ZNF638: variants seen among roughly 807,000 people sequenced by gnomAD.
The protein encoded by ZNF638 is CTCL tumor antigen se33-1.
In ZNF638, 46 loss-of-function variants were observed where a neutral mutation model predicts 195.6. That is an observed-to-expected ratio of 0.24 (90% CI 0.19 to 0.30). The LOEUF (loss-of-function observed/expected upper bound fraction) is 0.30, where lower values mean the gene tolerates loss of function less well. Ranked by LOEUF, ZNF638 falls within the 10% of genes least tolerant of loss-of-function variation. The pLI, the probability that ZNF638 is intolerant of heterozygous loss-of-function variation, is 1.00. For missense variants in ZNF638, 2,440 were observed against 2,325.3 expected (o/e 1.05, Z -1.01); for synonymous variants, 845 against 772.0 (o/e 1.09, Z -1.57).
chr2:71,364,983 A>G (rs554559329), intron 5 of ZNF638, among the ~76,000 whole-genome samples: 31 of 152,310 alleles, frequency 2.0e-4, no homozygotes, highest in African/African-American at 7.0e-4. Flanking sequence ...GGAAGAAGGT[A>G]CTATAGTGCT....
chr2:71,366,142 G>A (rs569531300), intron 6 of ZNF638, among the ~76,000 whole-genome samples: 1 of 152,292 alleles, frequency 6.6e-6, no homozygotes, highest in Admixed American at 6.5e-5. Flanking sequence ...TCGAGCTTAA[G>A]AATTTGAGGC....
chr2:71,361,336 G>A (rs932310599), intron 3 of ZNF638, among the ~76,000 whole-genome samples: 1 of 152,184 alleles, frequency 6.6e-6, no homozygotes. Context: ...TAACTTTGAT[G>A]TGTTGTTAAT....
chr2:71,343,252 G>A (rs1386014484), intron 1 of ZNF638, among the ~76,000 whole-genome samples: 1 of 152,096 alleles, frequency 6.6e-6, no homozygotes. Context: ...ATTTGGCTTT[G>A]AAACTAAAAA....
In ZNF638 at chr2:71,431,431, A is replaced by G; in HGVS notation, c.5752+3A>G. On this transcript the variant is annotated splice_donor_region_variant and intron_variant, in intron 26 of 27. Transcript: ENST00000264447. ...AGTGGCGTCTGATGTCCCTGAGGGT[A>G]AAGTTAAAATGACATTTTTTTCTTA... The G allele has an allele frequency of 6.2e-7, 1 of 1,612,214 alleles. No homozygotes were observed. The highest frequency in any genetic ancestry group is 8.5e-7 in the Non-Finnish European group (1 of 1,178,984).
chr2:71,405,708 T>C (rs1402061636), intron 18 of ZNF638, 66 bp downstream of exon 18: 2 of 1,210,038 alleles, frequency 1.7e-6, no homozygotes, highest in African/African-American at 3.1e-5. Flanking sequence ...TTTACTTGTT[T>C]GCCTTTTAGG....
At chr2:71,404,496 G>T (rs779045195) in intron 17 of ZNF638, among the ~76,000 whole-genome samples, 1 of 152,108 alleles carries the variant, frequency 6.6e-6, no homozygotes, top group Non-Finnish European at 1.5e-5. Flanking sequence ...GACTGTGTGA[G>T]CCCAGGACTT....
intron 19 of ZNF638, among the ~76,000 whole-genome samples, chr2:71,406,963 A>G (rs1038241681): frequency 3.9e-5 from 6 of 152,180 alleles, no homozygotes; most frequent in Non-Finnish European, 1.5e-5. Context: ...TCACGCCACC[A>G]CACTCCAGCC....
intron 5 of ZNF638, among the ~76,000 whole-genome samples, chr2:71,364,701 A>G (rs761935629): frequency 3.9e-5 from 6 of 152,182 alleles, no homozygotes; most frequent in Non-Finnish European, 7.4e-5. Flanking sequence ...GTTTCACTTG[A>G]CTAGCCTGAA....
intron 22 of ZNF638, among the ~76,000 whole-genome samples, 173 bp from the exon 23 acceptor site, chr2:71,424,477 C>A (rs1456335937): frequency 6.6e-6 from 1 of 151,932 alleles, no homozygotes; most frequent in East Asian, 1.9e-4. Flanking sequence ...CAGACTGTGC[C>A]TATACTGTTT....
chr2:71,427,182 G>C lies in ZNF638; in HGVS notation c.5313G>C (p.Glu1771Asp), dbSNP rs192551503. 20 of 1,611,862 alleles carry C rather than the reference G, an allele frequency of 1.2e-5. No individual in the cohort carries two copies. In the East Asian group the frequency reaches 4.2e-4, roughly 34 times the overall value. Residue 1771 changes from glutamate to aspartate, a missense_variant, in exon 24 of 28, where the codon GAG (glutamate) becomes GAC (aspartate). Around this residue, in one of 5 missense-constraint regions of ZNF638, gnomAD observed 1,883 missense variants for 1,739.1 expected, o/e 1.08. Transcript: ENST00000264447. Reference sequence around the variant, plus strand: ...CGGATTTTAACAACCTTAAAGAAGAGCTTAATTTTGTTACTGTTGATGAAG... The same window carrying C: ...CGGATTTTAACAACCTTAAAGAAGACCTTAATTTTGTTACTGTTGATGAAG... Reference protein sequence around the residue: ...SLADFNNLKEELNFVTVDEVG... With the variant: ...SLADFNNLKEDLNFVTVDEVG...
In ZNF638 at chr2:71,365,575, C is replaced by T. The variant is rs150523011; in HGVS notation, c.1864C>T (p.Pro622Ser). ...TSSGTKPSVK[P>S]TSATKSDSNL... ...CAGTGGAACAAAACCATCAGTTAAA[C>T]CTACAAGCGCTACAAAGAGTGATTC... Residue 622 changes from proline to serine, a missense_variant, in exon 6 of 28, where the codon CCT (proline) becomes TCT (serine). Around this residue, in one of 5 missense-constraint regions of ZNF638, gnomAD observed 1,883 missense variants for 1,739.1 expected, o/e 1.08. Coordinates refer to ENST00000264447, the MANE Select transcript of ZNF638 (RefSeq NM_014497.5). 2.5e-6 allele frequency: 4 copies of T among 1,614,110 alleles called. No homozygotes were observed. Among genetic ancestry groups the T allele is most frequent in the Non-Finnish European group, 3.4e-6 (4 of 1,180,018 alleles).
intron 1 of ZNF638, chr2:71,332,971 T>C (rs2078599299): frequency 6.6e-6 from 1 of 152,234 alleles, no homozygotes; most frequent in Non-Finnish European, 1.5e-5. Context: ...TTCTGCTTTT[T>C]CCCCTCATTT....
At chr2:71,375,918 C>T (rs1199769526) in intron 8 of ZNF638, 1 of 152,130 alleles carries the variant, frequency 6.6e-6, no homozygotes, top group Non-Finnish European at 1.5e-5. Flanking sequence ...GGAATAGTGG[C>T]TTATACTAGT....
chr2:71,370,957 T>C (rs927277593), intron 8 of ZNF638, among the ~76,000 whole-genome samples: 1 of 152,138 alleles, frequency 6.6e-6, no homozygotes, highest in African/African-American at 2.4e-5. Flanking sequence ...ACCCATTAAT[T>C]ATCCCCTCCT....
In ZNF638 at chr2:71,349,033, C is replaced by G. The variant is rs61344341; in HGVS notation, c.79C>G (p.Pro27Ala). The G allele has an allele frequency of 1.2e-6, 2 of 1,614,186 alleles. No individual in the cohort carries two copies. The highest frequency in any genetic ancestry group is 1.7e-6 in the Non-Finnish European group (2 of 1,180,018). ...PRAPNPSGMR[P>A]PGPFMRPGSM... is the part of the protein sequence containing the mutation. Reference sequence around the variant, plus strand: ...AGCACCTAACCCTTCTGGGATGAGGCCTCCAGGACCATTTATGAGGCCTGG... The same window carrying G: ...AGCACCTAACCCTTCTGGGATGAGGGCTCCAGGACCATTTATGAGGCCTGG... The change falls in exon 2 of 28, where the codon CCT becomes GCT. Residue 27 changes from proline (P) to alanine (A), a missense_variant. Transcript: ENST00000264447.
intron 3 of ZNF638, among the ~76,000 whole-genome samples, chr2:71,360,555 T>C (rs2079092225): frequency 6.6e-6 from 1 of 152,176 alleles, no homozygotes. Flanking sequence ...GCCTACTCTT[T>C]GTTTCGTTTG....
At position 71,434,990 on chromosome 2, in the gene ZNF638, A is replaced by G; in HGVS notation, c.*183A>G. The G allele has an allele frequency of 1.9e-6, 1 of 517,252 alleles. No homozygotes were observed. Among genetic ancestry groups the G allele is most frequent in the South Asian group, 3.1e-5 (1 of 32,564 alleles). The allele number at this position is 517,252 out of a possible 1,614,324, so 32.0% of individuals were successfully genotyped here. A position where few individuals can be genotyped will look rare whatever the true frequency, so the allele number is the denominator to read the frequency against. On this transcript the variant is annotated 3_prime_UTR_variant, in exon 28 of 28. Coordinates refer to ENST00000264447, the MANE Select transcript of ZNF638 (RefSeq NM_014497.5). ...TATGATGGGTTTGATTTTTATATCAAATCATCAGGCATGGAGAAATATCTT... is the reference window on the plus strand; with the variant it reads ...TATGATGGGTTTGATTTTTATATCAGATCATCAGGCATGGAGAAATATCTT...
chr2:71,424,553 T>C, intron 22 of ZNF638, 97 bp from the exon 23 acceptor site: 1 of 940,292 alleles, frequency 1.1e-6, no homozygotes. Context: ...ATTTGGGTAA[T>C]GTTTACTGTT....
At chr2:71,422,786 CTTTT>C (rs776917582) in intron 21 of ZNF638, 24 bp from the exon 22 acceptor site, 93 of 1,578,516 alleles carry the variant, frequency 5.9e-5, no homozygotes, top group Non-Finnish European at 7.7e-5. Flanking sequence ...TGTTTGTGTT[CTTTT>C]TGTTTGTTTT....
Sources: allele counts gnomAD v4.1 joint callset (sites outside exome capture counted in the v4.1 genomes callset), GRCh38; gene constraint gnomAD v4.1.1; regional missense constraint gnomAD v4.1.1; transcripts MANE v1.5; gene names NCBI Gene and HGNC (gene_info 2026-07-23, HGNC 2026-07-21).